Variants in FRY observed in about 807,000 individuals in gnomAD.
The protein encoded by FRY is FRY microtubule binding protein.
Under a neutral mutation model 348.4 loss-of-function variants are expected in FRY, and 128 were observed. The ratio of observed to expected loss-of-function variants is 0.37; its 90% confidence interval spans 0.32 to 0.43. The LOEUF (loss-of-function observed/expected upper bound fraction) is 0.43, where lower values mean the gene tolerates loss of function less well. Among genes scored for constraint, FRY ranks in the 20% least tolerant of loss-of-function variants. FRY has a pLI of 1.00. For missense variants in FRY, 2,736 were observed against 3,695.2 expected, an observed-to-expected ratio of 0.74 and a Z score of 6.73; for synonymous variants, 1,370 against 1,374.7, an observed-to-expected ratio of 1.00 and a Z score of 0.08.
chr13:32,130,116 T>A (rs9567240), intron 7 of FRY, among the ~76,000 whole-genome samples: 108,687 of 147,884 alleles, frequency 0.73, 40,588 homozygotes, highest in East Asian at 0.87. Flanking sequence ...GCTAGAGTGC[T>A]GTGGCGTGAT....
rs1233161449 is a variant in FRY, at chr13:32,178,977, T to C, written c.2815T>C (p.Ser939Pro). ...TATGAGCCCAGGACACTTAAGAGCT[T>C]CCACTCCAGAAATAATGGCGACCAC... is the stretch of plus-strand genomic sequence containing the variant. ...SIMSPGHLRA[S>P]TPEIMATTPD... is the part of the protein sequence containing the mutation. The change falls in exon 22 of 61, where the codon TCC (serine) becomes CCC (proline). Residue 939 changes from serine (S) to proline (P), a missense_variant. Ser to Pro is a moderately conservative substitution (Grantham distance 74, BLOSUM62 -1). Transcript: ENST00000542859. 6.2e-7 allele frequency: 1 copy of C among 1,613,802 alleles called. No homozygotes were observed. The highest frequency in any genetic ancestry group is 8.5e-7 in the Non-Finnish European group (1 of 1,179,838).
rs1328600761 is a variant in FRY, at chr13:32,247,498, C to T, written c.7004C>T (p.Ser2335Leu). ...GKTLDFHFDI[S>L]ETPIIGRRYD... ...ACCCTGGACTTCCACTTCGATATTT[C>T]GGAGGTACTTAGCTATGTTAACTAT... Residue 2335 changes from serine to leucine, a missense_variant, in exon 48 of 61, where the codon TCG becomes TTG. Physicochemically the swap from Ser to Leu is moderately radical, Grantham distance 145. Around this residue, in one of 9 missense-constraint regions of FRY, gnomAD observed 789 missense variants for 996.2 expected, o/e 0.79. Transcript: ENST00000542859. 9.9e-6 allele frequency: 16 copies of T among 1,609,476 alleles called. No homozygotes were observed. Among genetic ancestry groups the T allele is most frequent in the African/African-American group, 2.7e-5 (2 of 74,790 alleles).
At chr13:32,088,871 A>G (rs925204742) in intron 2 of FRY, among the ~76,000 whole-genome samples, 2 of 152,206 alleles carry the variant, frequency 1.3e-5, no homozygotes, top group Non-Finnish European at 2.9e-5. Flanking sequence ...AAAACCAGAC[A>G]AAGGTAATTC....
intron 18 of FRY, among the ~76,000 whole-genome samples, chr13:32,172,311 A>G (rs1055686110): frequency 2.0e-5 from 3 of 151,962 alleles, no homozygotes; most frequent in Non-Finnish European, 4.4e-5. Flanking sequence ...ATTGATGTGG[A>G]TGTGGGTTTA....
chr13:32,125,999 T>C (rs905301407), intron 7 of FRY, among the ~76,000 whole-genome samples: 6 of 152,140 alleles, frequency 3.9e-5, no homozygotes, highest in South Asian at 2.1e-4. Context: ...CATGAGGCTA[T>C]ATTGTAGTTT....
intron 28 of FRY, among the ~76,000 whole-genome samples, chr13:32,189,379 A>G (rs1355723450): frequency 2.6e-5 from 4 of 152,086 alleles, no homozygotes. Context: ...TACATTTTCC[A>G]TGAGCTTTCT....
chr13:32,212,661 G>A (rs986223077), intron 35 of FRY, among the ~76,000 whole-genome samples: 1 of 152,134 alleles, frequency 6.6e-6, no homozygotes, highest in Non-Finnish European at 1.5e-5. Flanking sequence ...ACCATGAGTT[G>A]TTCTGCTAAT....
At chr13:32,037,251 G>T (rs534154008) in intron 1 of FRY, among the ~76,000 whole-genome samples, 1 of 152,212 alleles carries the variant, frequency 6.6e-6, no homozygotes, top group South Asian at 2.1e-4. Flanking sequence ...TCTTCTGTTA[G>T]GAGTATTTTA....
intron 53 of FRY, among the ~76,000 whole-genome samples, chr13:32,264,890 A>C (rs923236731): frequency 6.6e-6 from 1 of 152,242 alleles, no homozygotes; most frequent in African/African-American, 2.4e-5. Flanking sequence ...TGCATACCAC[A>C]GGTATCCTGG....
At chr13:32,290,649 A>T (rs575269855) in intron 59 of FRY, among the ~76,000 whole-genome samples, 1 of 152,222 alleles carries the variant, frequency 6.6e-6, no homozygotes, top group East Asian at 1.9e-4. Flanking sequence ...TCTGGCAGCT[A>T]TGCGGAGGGT....
intron 31 of FRY, among the ~76,000 whole-genome samples, chr13:32,205,751 G>C (rs1884316945): frequency 6.6e-6 from 1 of 152,038 alleles, no homozygotes; most frequent in Non-Finnish European, 1.5e-5. Flanking sequence ...GGAGTATCAA[G>C]ATTAGAATGC....
intron 11 of FRY, among the ~76,000 whole-genome samples, chr13:32,139,325 C>T (rs1879911694): frequency 6.6e-6 from 1 of 152,150 alleles, no homozygotes; most frequent in South Asian, 2.1e-4. Flanking sequence ...CCTTCCCCGA[C>T]GCACCTTTCT....
At chr13:32,141,220 A>G (rs1236911701) in intron 11 of FRY, among the ~76,000 whole-genome samples, 1 of 152,194 alleles carries the variant, frequency 6.6e-6, no homozygotes, top group Non-Finnish European at 1.5e-5. Context: ...AATAATTGCC[A>G]TAAAAATGTT....
At chr13:32,260,869 G>A (rs866231472) in intron 51 of FRY, among the ~76,000 whole-genome samples, 4 of 152,144 alleles carry the variant, frequency 2.6e-5, no homozygotes, top group African/African-American at 4.8e-5. Context: ...GGTGGCTCAC[G>A]CCTGTAATCC....
At chr13:32,149,500 G>A (rs938614799) in intron 13 of FRY, among the ~76,000 whole-genome samples, 4 of 151,846 alleles carry the variant, frequency 2.6e-5, no homozygotes, top group Non-Finnish European at 5.9e-5. Flanking sequence ...TCATACTGTG[G>A]TTTAGAGGCC....
At chr13:32,281,963 C>T (rs371807797) in intron 58 of FRY, among the ~76,000 whole-genome samples, 7 of 152,240 alleles carry the variant, frequency 4.6e-5, no homozygotes, top group East Asian at 3.9e-4. Context: ...ATGCAGAGTA[C>T]ACAAATCAGG....
At chr13:32,118,010 C>T (rs1031269680) in intron 4 of FRY, among the ~76,000 whole-genome samples, 2 of 151,992 alleles carry the variant, frequency 1.3e-5, no homozygotes, top group African/African-American at 4.8e-5. Context: ...ATCTCCAACT[C>T]CTCCTTCCAG....
chr13:32,208,855 G>A lies in FRY; in HGVS notation c.4021G>A (p.Val1341Ile), dbSNP rs191840042. The A allele has an allele frequency of 4.2e-5, 67 of 1,614,014 alleles. No homozygotes were observed. The East Asian group carries it at 1.5e-3, about 35-fold the overall frequency. The change falls in exon 32 of 61, where the codon GTA becomes ATA. Residue 1341 changes from valine to isoleucine, a missense_variant and splice_region_variant. Val to Ile is a conservative substitution (Grantham distance 29, BLOSUM62 3). Coordinates refer to ENST00000542859, the MANE Select transcript of FRY (RefSeq NM_023037.3). Reference protein sequence around the residue: ...PELTLPLFSEVSQRFPTTHPN... With the variant: ...PELTLPLFSEISQRFPTTHPN... ...TCTGTCACTGCAATTCTCTTTAGAG[G>A]TAAGCCAGCGATTCCCCACAACACA...
At chr13:32,086,823 C>T (rs1200133514) in intron 2 of FRY, among the ~76,000 whole-genome samples, 1 of 151,990 alleles carries the variant, frequency 6.6e-6, no homozygotes, top group African/African-American at 2.4e-5. Flanking sequence ...CATCCAACAC[C>T]CTGGAATTCA....
Sources: gnomAD v4.1 joint callset for allele counts (sites outside exome capture counted in the v4.1 genomes callset) on GRCh38, gnomAD v4.1.1 for gene constraint, gnomAD v4.1.1 regional missense constraint, MANE v1.5 for transcripts, NCBI Gene and HGNC (gene_info 2026-07-23, HGNC 2026-07-21) for gene names.